The following PACS1 variants were observed in gnomAD, a reference collection of about 807,000 sequenced individuals.
PACS1 encodes PACS-1.
A neutral mutation model predicts 115.0 loss-of-function variants in PACS1; 24 were observed. The observed-to-expected ratio is 0.21, with a 90% CI of 0.15 to 0.29. The LOEUF (loss-of-function observed/expected upper bound fraction) is 0.29. Among genes scored for constraint, PACS1 ranks in the 10% least tolerant of loss-of-function variants. PACS1 has a pLI of 1.00. For missense variants in PACS1, 838 were observed against 1,251.2 expected, an observed-to-expected ratio of 0.67 and a Z score of 4.98; for synonymous variants, 453 against 504.5, an observed-to-expected ratio of 0.90 and a Z score of 1.37.
chr11:66,125,673 T>C (rs1565116216), intron 1 of PACS1, among the ~76,000 whole-genome samples: 1 of 152,176 alleles, frequency 6.6e-6, no homozygotes, highest in Non-Finnish European at 1.5e-5. Context: ...ACTATGCCTG[T>C]GTAGATAAAA....
intron 1 of PACS1, among the ~76,000 whole-genome samples, chr11:66,081,244 A>G (rs1258283517): frequency 6.6e-6 from 1 of 152,036 alleles, no homozygotes; most frequent in African/African-American, 2.4e-5. Flanking sequence ...AAAAAAAAGA[A>G]AAAAGAAAGA....
chr11:66,070,911 C>T lies in PACS1; in HGVS notation c.356+69C>T. On this transcript the variant is annotated intron_variant, in intron 1 of 23. Coordinates refer to ENST00000320580, the MANE Select transcript of PACS1 (RefSeq NM_018026.4). The surrounding 1 kb of genome is among the most constrained non-coding windows in gnomAD (Gnocchi z 5.9). ...GCCGCCGGGGCCCAGCCCTCCCCGC[C>T]CCAGCGCCCATGGGGTCCCCGCCCT... is the stretch of plus-strand genomic sequence containing the variant. 8.9e-6 allele frequency: 12 copies of T among 1,345,964 alleles called. No homozygotes were observed. The highest frequency in any genetic ancestry group is 1.0e-5 in the Non-Finnish European group (11 of 1,050,956). 83.4% of individuals were successfully genotyped at this position (1,345,964 alleles called of 1,614,324 possible).
chr11:66,094,746 A>C (rs1857739603), intron 1 of PACS1, among the ~76,000 whole-genome samples: 2 of 152,012 alleles, frequency 1.3e-5, no homozygotes, highest in Non-Finnish European at 2.9e-5. Flanking sequence ...ACAACCAAAA[A>C]AGAGAATTTT....
In PACS1 at chr11:66,233,777, C is replaced by T. The variant is rs1855649802; in HGVS notation, c.1839-8C>T. Reference sequence around the variant, plus strand: ...GAGCACTGCTATGACGCTCCCCTTCCTCCCCAGCTGCAACTGCAACTCTTC... The same window carrying T: ...GAGCACTGCTATGACGCTCCCCTTCTTCCCCAGCTGCAACTGCAACTCTTC... On this transcript the variant is annotated splice_polypyrimidine_tract_variant and splice_region_variant and intron_variant, in intron 15 of 23. Transcript: ENST00000320580. This position sits in a 1 kb window ranked among gnomAD's most constrained non-coding sequence, Gnocchi z 4.5. 1.2e-6 allele frequency: 2 copies of T among 1,612,850 alleles called. No individual in the cohort carries two copies. The highest frequency in any genetic ancestry group is 1.7e-6 in the Non-Finnish European group (2 of 1,179,352).
intron 4 of PACS1, among the ~76,000 whole-genome samples, chr11:66,215,210 G>A (rs1469111748): frequency 6.6e-6 from 1 of 152,064 alleles, no homozygotes; most frequent in East Asian, 1.9e-4. Context: ...GGGATTACAG[G>A]TGTGAGCCAC....
intron 13 of PACS1, chr11:66,231,925 G>C (rs1855604203): frequency 2.4e-6 from 1 of 414,702 alleles, no homozygotes; most frequent in Admixed American, 4.2e-5. Flanking sequence ...CACCTGCCCT[G>C]GCAGGACAAC....
At chr11:66,112,572 G>T (rs78543720) in intron 1 of PACS1, among the ~76,000 whole-genome samples, 4 of 152,138 alleles carry the variant, frequency 2.6e-5, no homozygotes. Flanking sequence ...TTACAGGAGA[G>T]GGGTTATATC....
intron 1 of PACS1, among the ~76,000 whole-genome samples, chr11:66,088,601 C>T (rs1027442161): frequency 4.6e-5 from 7 of 152,192 alleles, no homozygotes; most frequent in Non-Finnish European, 8.8e-5. Flanking sequence ...TCTGTACCAT[C>T]GGTCAGTCTG....
At chr11:66,200,581 T>A (rs750324250) in intron 2 of PACS1, among the ~76,000 whole-genome samples, 4 of 151,180 alleles carry the variant, frequency 2.6e-5, no homozygotes, top group Non-Finnish European at 4.4e-5. Flanking sequence ...GATAAAGGGG[T>A]CAACTCAGCA....
chr11:66,205,187 G>A (rs1854907151), intron 2 of PACS1, among the ~76,000 whole-genome samples: 1 of 152,078 alleles, frequency 6.6e-6, no homozygotes. Context: ...GTTTCACCAT[G>A]TTGCCCAGGC....
chr11:66,078,366 T>C lies in PACS1; in HGVS notation c.356+7524T>C, dbSNP rs561785506. ...CTCCCTACTGTAACACCTGTTCCCT[T>C]CTTTGTAGTCTGTGTAACTCCTCCA... On this transcript the variant is annotated intron_variant, in intron 1 of 23. Coordinates refer to ENST00000320580, the MANE Select transcript of PACS1 (RefSeq NM_018026.4). Among the ~76,000 whole-genome samples the C allele has an allele frequency of 3.9e-5, 6 of 152,274 alleles. No homozygotes were observed. The East Asian group carries it at 1.2e-3, about 29-fold the overall frequency.
intron 11 of PACS1, among the ~76,000 whole-genome samples, chr11:66,229,565 G>A (rs762009236): frequency 6.6e-6 from 1 of 151,678 alleles, no homozygotes; most frequent in Admixed American, 6.6e-5. Context: ...TGTAGTCCCA[G>A]CAACTCGGGA....
chr11:66,181,218 T>A (rs1361012300), intron 1 of PACS1, among the ~76,000 whole-genome samples: 6 of 151,798 alleles, frequency 4.0e-5, no homozygotes, highest in African/African-American at 1.4e-4. Flanking sequence ...TTTTTTATTT[T>A]TTATTTTTTT....
At chr11:66,111,638 T>C (rs761139881) in intron 1 of PACS1, among the ~76,000 whole-genome samples, 2 of 152,128 alleles carry the variant, frequency 1.3e-5, no homozygotes, top group Admixed American at 6.5e-5. Context: ...TCCCAGATTA[T>C]TATTCTTTTT....
chr11:66,217,264 G>T, intron 7 of PACS1: 1 of 298,624 alleles, frequency 3.3e-6, no homozygotes, highest in Non-Finnish European at 6.6e-6. Flanking sequence ...CTGCCTTAAC[G>T]GATCCATAAC....
In PACS1 at chr11:66,206,447, AGGGCT is replaced by A. The variant is rs751783732; in HGVS notation, c.445-3900_445-3896del. On this transcript the variant is annotated intron_variant, in intron 2 of 23. Transcript: ENST00000320580. ...AGGACAGTAGTGCACCATGCTTGAA[AGGGCT>A]GGGCTGGGCTGGGCCTGGCTGCGAT... Among the ~76,000 whole-genome samples, 4 of 152,140 alleles carry A rather than the reference AGGGCT, an allele frequency of 2.6e-5. No homozygotes were observed. In the East Asian group the frequency reaches 5.8e-4, roughly 22 times the overall value.
At chr11:66,149,820 G>A (rs1859197986) in intron 1 of PACS1, among the ~76,000 whole-genome samples, 1 of 152,028 alleles carries the variant, frequency 6.6e-6, no homozygotes, top group Non-Finnish European at 1.5e-5. Flanking sequence ...CATGATCTCG[G>A]CTCACTGCAA....
chr11:66,221,071 C>T, intron 9 of PACS1, 83 bp from the exon 10 acceptor site: 1 of 1,339,170 alleles, frequency 7.5e-7, no homozygotes, highest in Non-Finnish European at 1.1e-6. Context: ...TTGACCCACC[C>T]TGAATGCCAG....
intron 11 of PACS1, among the ~76,000 whole-genome samples, chr11:66,228,387 C>G (rs986328694): frequency 6.6e-6 from 1 of 152,080 alleles, no homozygotes; most frequent in African/African-American, 2.4e-5. Flanking sequence ...GTAAATAAGA[C>G]TACATTAAAG....
Sources: gnomAD v4.1 joint callset for allele counts (sites outside exome capture counted in the v4.1 genomes callset) on GRCh38, gnomAD v4.1.1 for gene constraint, Gnocchi (gnomAD v3.1) non-coding constraint, MANE v1.5 for transcripts, NCBI Gene and HGNC (gene_info 2026-07-23, HGNC 2026-07-21) for gene names.